KCNC1: variants seen among roughly 807,000 people sequenced by gnomAD.
KCNC1 encodes potassium voltage-gated channel subfamily C member 1.
In KCNC1, 8 loss-of-function variants were observed where a neutral mutation model predicts 43.4. The ratio of observed to expected loss-of-function variants is 0.18; its 90% CI spans 0.11 to 0.33. The LOEUF (loss-of-function observed/expected upper bound fraction) is 0.33. Ranked by LOEUF, KCNC1 falls within the 10% of genes least tolerant of loss-of-function variation. KCNC1 has a pLI of 1.00. For missense variants in KCNC1, 420 were observed against 836.0 expected (o/e 0.50, Z 6.14); for synonymous variants, 361 against 360.5 (o/e 1.00, Z -0.01).
At chr11:17,763,585 C>T (rs1173483880) in intron 1 of KCNC1, among the ~76,000 whole-genome samples, 1 of 134,610 alleles carries the variant, frequency 7.4e-6, no homozygotes, top group East Asian at 2.2e-4. Context: ...CACACACACA[C>T]ACAGACCCCC....
rs898583375 is a variant in KCNC1, at chr11:17,734,985, C to T, written c.-1018C>T. 10 of 151,528 alleles carry T rather than the reference C, an allele frequency of 6.6e-5. No homozygotes were observed. The highest frequency in any genetic ancestry group is 1.2e-4 in the Non-Finnish European group (8 of 67,764). 9.4% of individuals were successfully genotyped at this position (151,528 alleles called of 1,614,324 possible). ...CGTCTCGGCCGGCAGCGCCCACCGC[C>T]TGCCCGAAGCGAGGAGCGGAGTGCG... On this transcript the variant is annotated 5_prime_UTR_variant, in exon 1 of 4. Coordinates refer to ENST00000265969, the MANE Select transcript of KCNC1 (RefSeq NM_001112741.2).
intron 1 of KCNC1, among the ~76,000 whole-genome samples, chr11:17,750,400 C>T (rs1446684432): frequency 1.3e-5 from 2 of 152,188 alleles, no homozygotes; most frequent in Admixed American, 6.5e-5. Flanking sequence ...TATTTAGAGT[C>T]ACAAAGGTCA....
Position 17,772,081 on chromosome 11 carries a change from G to C in KCNC1, c.987G>C (p.Val329=). 6.2e-7 allele frequency: 1 copy of C among 1,613,520 alleles called. No homozygotes were observed. The highest frequency in any genetic ancestry group is 8.5e-7 in the Non-Finnish European group (1 of 1,179,874). Residue 329 remains valine (V), a synonymous_variant, in exon 2 of 4, where the codon GTG becomes GTC. Coordinates refer to ENST00000265969, the MANE Select transcript of KCNC1 (RefSeq NM_001112741.2). ...LRIFKLTRHF[V]GLRVLGHTLR... The stretch of plus-strand genomic sequence containing the variant: ...TCTTTAAGCTGACCCGCCACTTTGT[G>C]GGCCTGCGGGTCCTGGGCCACACGC...
Position 17,777,858 on chromosome 11 carries a change from G to T in KCNC1, c.1505-1598G>T, listed in dbSNP as rs952084261. ...GACTGCCTCTTTGTAGTGACATGAT[G>T]TGTACACGGGCGGTAATCCCACCCA... On this transcript the variant is annotated intron_variant, in intron 2 of 3. Coordinates refer to ENST00000265969, the MANE Select transcript of KCNC1 (RefSeq NM_001112741.2). The surrounding 1 kb of genome is among the most constrained non-coding windows in gnomAD (Gnocchi z 4.3). 1.0e-6 allele frequency: 1 copy of T among 986,244 alleles called. No individual in the cohort carries two copies. The highest frequency in any genetic ancestry group is 1.7e-5 in the African/African-American group (1 of 57,226). The allele number at this position is 986,244 out of a possible 1,614,324, so 61.1% of individuals were successfully genotyped here. A position where few individuals can be genotyped will look rare whatever the true frequency, so the allele number is the denominator to read the frequency against.
intron 1 of KCNC1, among the ~76,000 whole-genome samples, chr11:17,759,279 G>C (rs186025758): frequency 2.6e-4 from 39 of 152,336 alleles, no homozygotes; most frequent in Non-Finnish European, 5.3e-4. Flanking sequence ...GAGAGTTAGA[G>C]CCTTGCTCTA....
Position 17,779,531 on chromosome 11 carries a change from C to T in KCNC1, c.1580C>T (p.Thr527Ile). 1 of 1,551,350 alleles carries T rather than the reference C, an allele frequency of 6.4e-7. No individual in the cohort carries two copies. The highest frequency in any genetic ancestry group is 1.2e-5 in the South Asian group (1 of 84,060). Residue 527 changes from threonine to isoleucine, a missense_variant, in exon 3 of 4, where the codon ACT becomes ATT. Transcript: ENST00000265969. The surrounding 1 kb of genome is among the most constrained non-coding windows in gnomAD (Gnocchi z 7.2). ...TGCCCCCACATAGACCAGGCCCTCA[C>T]TCCCGATGAGGGCCTGCCCTTTACG... The part of the protein sequence containing the change: ...EDCPHIDQAL[T>I]PDEGLPFTRS...
intron 1 of KCNC1, among the ~76,000 whole-genome samples, chr11:17,756,585 T>A (rs1394587817): frequency 6.6e-6 from 1 of 150,948 alleles, no homozygotes; most frequent in African/African-American, 2.4e-5. Context: ...TCAGGACCCC[T>A]GACTCGATAC....
Position 17,779,627 on chromosome 11 carries a change from G to A in KCNC1, c.1676G>A (p.Gly559Asp). 1 of 1,548,096 alleles carries A rather than the reference G, an allele frequency of 6.5e-7. No homozygotes were observed. The highest frequency in any genetic ancestry group is 8.7e-7 in the Non-Finnish European group (1 of 1,145,556). ...LSTGEYACPP[G>D]GGMRKDLCKE... ...ACCGGGGAGTACGCGTGCCCACCTG[G>A]TGGAGGAATGAGAAAGGGTATGTAG... The change falls in exon 3 of 4, where the codon GGT (glycine) becomes GAT (aspartate). Residue 559 changes from glycine (G) to aspartate (D), a missense_variant. Physicochemically the swap from Gly to Asp is moderately conservative, Grantham distance 94. Coordinates refer to ENST00000265969, the MANE Select transcript of KCNC1 (RefSeq NM_001112741.2). The surrounding 1 kb of genome is among the most constrained non-coding windows in gnomAD (Gnocchi z 7.2).
Position 17,779,530 on chromosome 11 carries a change from A to G in KCNC1, c.1579A>G (p.Thr527Ala). ...CTGCCCCCACATAGACCAGGCCCTC[A>G]CTCCCGATGAGGGCCTGCCCTTTAC... ...EDCPHIDQALTPDEGLPFTRS... is the reference protein window; with the variant it reads ...EDCPHIDQALAPDEGLPFTRS... Residue 527 changes from threonine (T) to alanine (A), a missense_variant, in exon 3 of 4, where the codon ACT becomes GCT. Physicochemically the swap from Thr to Ala is moderately conservative, Grantham distance 58. Coordinates refer to ENST00000265969, the MANE Select transcript of KCNC1 (RefSeq NM_001112741.2). The surrounding 1 kb of genome is among the most constrained non-coding windows in gnomAD (Gnocchi z 7.2). 1 of 1,551,068 alleles carries G rather than the reference A, an allele frequency of 6.4e-7. No individual in the cohort carries two copies. Among genetic ancestry groups the G allele is most frequent in the South Asian group, 1.2e-5 (1 of 84,024 alleles).
chr11:17,740,248 A>G (rs946223846), intron 1 of KCNC1, among the ~76,000 whole-genome samples: 16 of 152,100 alleles, frequency 1.1e-4, no homozygotes, highest in African/African-American at 3.9e-4. Flanking sequence ...ATGAGCTGGG[A>G]CAGGATGAGC....
chr11:17,767,964 A>G (rs911733224), intron 1 of KCNC1, among the ~76,000 whole-genome samples: 8 of 152,234 alleles, frequency 5.3e-5, no homozygotes, highest in South Asian at 2.1e-4. Flanking sequence ...GAGTTTTCCA[A>G]TCAGGATCTG....
rs1437943502 is a variant in KCNC1 at position 17,781,406 on chromosome 11, T to G, written c.1694-264T>G. 1.1e-3 allele frequency: 502 copies of G among 441,866 alleles called. 6 individuals are homozygous for G. The highest frequency in any genetic ancestry group is 1.5e-4 in the Non-Finnish European group (38 of 250,068). The allele number at this position is 441,866 out of a possible 1,614,324, so 27.4% of individuals were successfully genotyped here. The stretch of plus-strand genomic sequence containing the variant: ...CGCCGAGGACTTGTTTTTCTCAGGC[T>G]AATTCTGAGCCAGAAGGCATGCAGG... On this transcript the variant is annotated intron_variant, in intron 3 of 3. Transcript: ENST00000265969. The surrounding 1 kb of genome is among the most constrained non-coding windows in gnomAD (Gnocchi z 5.1).
intron 1 of KCNC1, among the ~76,000 whole-genome samples, chr11:17,770,327 G>A (rs1389606346): frequency 2.0e-5 from 3 of 152,256 alleles, no homozygotes; most frequent in Non-Finnish European, 4.4e-5. Context: ...CTTTGGCCAT[G>A]GCTAGGCAGG....
chr11:17,745,699 C>G (rs1447606942), intron 1 of KCNC1, among the ~76,000 whole-genome samples: 2 of 152,128 alleles, frequency 1.3e-5, no homozygotes, highest in Admixed American at 1.3e-4. Context: ...TGGCTTTCCT[C>G]CCCAGCGCTG....
chr11:17,779,438 C>G lies in KCNC1; in HGVS notation c.1505-18C>G, dbSNP rs758733821. 2.1e-5 allele frequency: 32 copies of G among 1,512,346 alleles called. No homozygotes were observed. Among genetic ancestry groups the G allele is most frequent in the Non-Finnish European group, 2.8e-5 (32 of 1,127,772 alleles). 93.7% of individuals were successfully genotyped at this position (1,512,346 alleles called of 1,614,324 possible). On this transcript the variant is annotated intron_variant, in intron 2 of 3. Transcript: ENST00000265969. This position sits in a 1 kb window ranked among gnomAD's most constrained non-coding sequence, Gnocchi z 7.2. ...ACAGTTTTCAGTGTCTCAATAGCTT[C>G]TGCTTATATGTTTGAAGATTCCAAA...
At chr11:17,754,900 C>T (rs1477084895) in intron 1 of KCNC1, among the ~76,000 whole-genome samples, 1 of 152,216 alleles carries the variant, frequency 6.6e-6, no homozygotes, top group African/African-American at 2.4e-5. Flanking sequence ...CACATCTTAA[C>T]CACTCTAAAC....
chr11:17,753,776 C>T (rs557288554), intron 1 of KCNC1, among the ~76,000 whole-genome samples: 1 of 152,270 alleles, frequency 6.6e-6, no homozygotes, highest in Non-Finnish European at 1.5e-5. Flanking sequence ...GATCTCAAGA[C>T]GCTGGGAATA....
intron 2 of KCNC1, chr11:17,775,281 T>TA (rs1849272221): frequency 1.1e-5 from 10 of 935,712 alleles, no homozygotes; most frequent in African/African-American, 1.8e-5. Context: ...TCTGAGGGCA[T>TA]CCCTCCCGCC....
In KCNC1 at chr11:17,779,363, C is replaced by T; in HGVS notation, c.1505-93C>T. 1 of 1,077,316 alleles carries T rather than the reference C, an allele frequency of 9.3e-7. No individual in the cohort carries two copies. Among genetic ancestry groups the T allele is most frequent in the Non-Finnish European group, 1.3e-6 (1 of 779,104 alleles). The allele number at this position is 1,077,316 out of a possible 1,614,324, so 66.7% of individuals were successfully genotyped here. On this transcript the variant is annotated intron_variant, in intron 2 of 3. Coordinates refer to ENST00000265969, the MANE Select transcript of KCNC1 (RefSeq NM_001112741.2). This position sits in a 1 kb window ranked among gnomAD's most constrained non-coding sequence, Gnocchi z 7.2. ...TCCGTCCTCAGGGACGCTCAAGCTG[C>T]CCTCTGCCAATACCCCGCTTCTGGC...
Sources: gnomAD v4.1 joint callset for allele counts (sites outside exome capture counted in the v4.1 genomes callset) on GRCh38, gnomAD v4.1.1 for gene constraint, Gnocchi (gnomAD v3.1) non-coding constraint, MANE v1.5 for transcripts, NCBI Gene and HGNC (gene_info 2026-07-23, HGNC 2026-07-21) for gene names.